HS3ST5: variants seen among roughly 807,000 people sequenced by gnomAD.
The protein encoded by HS3ST5 is heparan sulfate-glucosamine 3-sulfotransferase 5, also known as heparan sulfate glucosamine 3-O-sulfotransferase 5.
HS3ST5 carries 10 observed loss-of-function variants against 25.4 expected under a neutral mutation model. That is an observed-to-expected ratio of 0.39 (90% confidence interval 0.24 to 0.67). The LOEUF is 0.67. HS3ST5 is among the 30% of genes least tolerant of loss of function. The pLI is 0.44. For missense variants in HS3ST5, 324 were observed against 420.7 expected (o/e 0.77, Z 2.01); for synonymous variants, 170 against 162.4 (o/e 1.05, Z -0.36).
intron 2 of HS3ST5, among the ~76,000 whole-genome samples, chr6:114,201,859 G>A (rs1781029818): frequency 6.6e-6 from 1 of 152,104 alleles, no homozygotes; most frequent in South Asian, 2.1e-4. Context: ...TTTACATGGT[G>A]GCAGCAAGAG....
chr6:114,102,132 A>T (rs534385318), intron 3 of HS3ST5, among the ~76,000 whole-genome samples: 12 of 152,338 alleles, frequency 7.9e-5, no homozygotes, highest in African/African-American at 2.9e-4. Context: ...TGAAATCTGT[A>T]TACCAAACCT....
chr6:114,056,372 T>C lies in HS3ST5; in HGVS notation c.*885A>G, dbSNP rs1468625604. ...CAGCAGGGAAGCACATCTTTCCAAG[T>C]GCTCTCATATGCACGTAAACAGCTT... On this transcript the variant is annotated 3_prime_UTR_variant, in exon 5 of 5. Coordinates refer to ENST00000312719, the MANE Select transcript of HS3ST5 (RefSeq NM_153612.4). 2 of 151,944 alleles carry C rather than the reference T, an allele frequency of 1.3e-5. No individual in the cohort carries two copies. Among genetic ancestry groups the C allele is most frequent in the East Asian group, 3.9e-4 (2 of 5,156 alleles). The allele number at this position is 151,944 out of a possible 1,614,324, so 9.4% of individuals were successfully genotyped here.
intron 3 of HS3ST5, among the ~76,000 whole-genome samples, chr6:114,107,483 G>A (rs765811833): frequency 1.3e-5 from 2 of 152,170 alleles, no homozygotes; most frequent in African/African-American, 4.8e-5. Flanking sequence ...AGAAGACAAC[G>A]TCTGTTCTTA....
At position 114,334,325 on chromosome 6, in the gene HS3ST5, C is replaced by G. The variant is rs115547463; in HGVS notation, c.-339+7870G>C. Among the ~76,000 whole-genome samples the G allele has an allele frequency of 8.8e-3, 1,345 of 152,184 alleles. 23 individuals are homozygous for G. Among genetic ancestry groups the G allele is most frequent in the African/African-American group, 0.031 (1,288 of 41,510 alleles). On this transcript the variant is annotated intron_variant, in intron 1 of 4. Coordinates refer to ENST00000312719, the MANE Select transcript of HS3ST5 (RefSeq NM_153612.4). ...CTGGGAAAAAGGCTCTTTTCCAGTG[C>G]CCTCTCATCCTATATTGTTGCATTC...
intron 1 of HS3ST5, among the ~76,000 whole-genome samples, chr6:114,282,515 A>G (rs548272117): frequency 2.0e-5 from 3 of 152,140 alleles, no homozygotes; most frequent in Admixed American, 2.0e-4. Context: ...CGGAGGATAC[A>G]GCTGCCTCCA....
At position 114,148,536 on chromosome 6, in the gene HS3ST5, G is replaced by A. The variant is rs554643725; in HGVS notation, c.-33+19815C>T. Among the ~76,000 whole-genome samples, 89 of 152,234 alleles carry A rather than the reference G, an allele frequency of 5.8e-4. No homozygotes were observed. The South Asian group carries it at 0.014, about 25-fold the overall frequency. On this transcript the variant is annotated intron_variant, in intron 3 of 4. Coordinates refer to ENST00000312719, the MANE Select transcript of HS3ST5 (RefSeq NM_153612.4). ...CTCAGGAGGCTGGGGCAGGAGAATC[G>A]CTTGAACCCAGGAGGTGGAGGTTGC...
chr6:114,258,389 G>A (rs530272158), intron 1 of HS3ST5, among the ~76,000 whole-genome samples: 4 of 152,302 alleles, frequency 2.6e-5, no homozygotes, highest in Admixed American at 2.0e-4. Flanking sequence ...TCCATTCAGA[G>A]TATCAACTTC....
intron 3 of HS3ST5, among the ~76,000 whole-genome samples, chr6:114,143,176 T>C (rs1777992473): frequency 6.6e-6 from 1 of 152,238 alleles, no homozygotes; most frequent in African/African-American, 2.4e-5. Context: ...ACTTAACTGT[T>C]CTATGCCTTG....
intron 1 of HS3ST5, among the ~76,000 whole-genome samples, chr6:114,305,067 T>A (rs189284519): frequency 6.6e-6 from 1 of 152,268 alleles, no homozygotes; most frequent in African/African-American, 2.4e-5. Context: ...TACATTAAAA[T>A]TCACTGGCCT....
intron 2 of HS3ST5, among the ~76,000 whole-genome samples, chr6:114,186,329 G>A (rs751055501): frequency 3.3e-4 from 50 of 152,100 alleles, no homozygotes; most frequent in Non-Finnish European, 5.9e-4. Context: ...GTTCTTCAAG[G>A]AAATTAAAAA....
intron 1 of HS3ST5, among the ~76,000 whole-genome samples, chr6:114,331,509 C>T (rs566936285): frequency 6.6e-6 from 1 of 152,158 alleles, no homozygotes; most frequent in South Asian, 2.1e-4. Context: ...GAATCATATA[C>T]AAGAAGTCAC....
At chr6:114,191,695 G>C (rs1780510250) in intron 2 of HS3ST5, among the ~76,000 whole-genome samples, 2 of 152,170 alleles carry the variant, frequency 1.3e-5, no homozygotes, top group Non-Finnish European at 2.9e-5. Flanking sequence ...GGGCTTGACA[G>C]TTACTCTGGG....
At chr6:114,264,690 A>T (rs1773328084) in intron 1 of HS3ST5, among the ~76,000 whole-genome samples, 2 of 152,144 alleles carry the variant, frequency 1.3e-5, no homozygotes, top group South Asian at 4.1e-4. Context: ...ATGTTCAGTG[A>T]AAAGCTTGGA....
chr6:114,280,656 T>A (rs989868221), intron 1 of HS3ST5, among the ~76,000 whole-genome samples: 2 of 152,006 alleles, frequency 1.3e-5, no homozygotes, highest in Admixed American at 1.3e-4. Flanking sequence ...ATTTTCCCCA[T>A]TCAAAAGTAA....
At chr6:114,282,268 C>G (rs188360463) in intron 1 of HS3ST5, among the ~76,000 whole-genome samples, 5 of 152,124 alleles carry the variant, frequency 3.3e-5, no homozygotes, top group Admixed American at 3.3e-4. Flanking sequence ...CATGCAGCCG[C>G]TGGCATCTTT....
intron 2 of HS3ST5, among the ~76,000 whole-genome samples, chr6:114,182,346 GT>G (rs1423615396): frequency 6.6e-6 from 1 of 152,170 alleles, no homozygotes; most frequent in Non-Finnish European, 1.5e-5. Context: ...AAAGTTTTCT[GT>G]TGTTGGGCAA....
intron 2 of HS3ST5, among the ~76,000 whole-genome samples, chr6:114,205,227 G>A (rs1308023155): frequency 7.9e-5 from 12 of 152,158 alleles, no homozygotes; most frequent in Non-Finnish European, 2.9e-5. Flanking sequence ...TGGCTACCTA[G>A]ATTTCTGTCT....
At chr6:114,303,582 G>A (rs1341789862) in intron 1 of HS3ST5, among the ~76,000 whole-genome samples, 1 of 151,852 alleles carries the variant, frequency 6.6e-6, no homozygotes, top group East Asian at 1.9e-4. Context: ...TCTGCAGGAA[G>A]AAGAAAGTAC....
At chr6:114,192,292 G>A (rs529118262) in intron 2 of HS3ST5, among the ~76,000 whole-genome samples, 4 of 152,230 alleles carry the variant, frequency 2.6e-5, no homozygotes, top group South Asian at 2.1e-4. Context: ...AGTGTTCTAA[G>A]CACTTTGCAA....
Sources: allele counts gnomAD v4.1 joint callset (sites outside exome capture counted in the v4.1 genomes callset), GRCh38; gene constraint gnomAD v4.1.1; transcripts MANE v1.5; gene names NCBI Gene and HGNC (gene_info 2026-07-23, HGNC 2026-07-21).